Variants in TTC21B observed in about 807,000 individuals in gnomAD.
The protein encoded by TTC21B is tetratricopeptide repeat domain 21B.
A neutral mutation model predicts 175.1 loss-of-function variants in TTC21B; 127 were observed. The ratio of observed to expected loss-of-function variants is 0.73; its 90% CI spans 0.63 to 0.84. The LOEUF is 0.84. TTC21B is among the 40% of genes least tolerant of loss of function. The pLI, the probability that TTC21B is intolerant of heterozygous loss-of-function variation, is 0.00. For missense variants in TTC21B, 1,561 were observed against 1,558.3 expected (o/e 1.00, Z -0.03); for synonymous variants, 524 against 524.5 (o/e 1.00, Z 0.01).
intron 27 of TTC21B, 102 bp from the exon 28 acceptor site, chr2:165,876,334 G>A: frequency 1.3e-6 from 1 of 782,864 alleles, no homozygotes; most frequent in Non-Finnish European, 2.3e-6. Flanking sequence ...GAATGGTAAG[G>A]GAGGCTGGTG....
At chr2:165,941,840 C>A (rs993349844) in intron 5 of TTC21B, among the ~76,000 whole-genome samples, 2 of 151,862 alleles carry the variant, frequency 1.3e-5, no homozygotes, top group Non-Finnish European at 2.9e-5. Context: ...AATTTGTAGA[C>A]GTAGATTTAC....
intron 18 of TTC21B, among the ~76,000 whole-genome samples, chr2:165,910,925 T>A (rs575817979): frequency 2.1e-4 from 32 of 152,140 alleles, no homozygotes; most frequent in Non-Finnish European, 4.1e-4. Flanking sequence ...GGAGGTAATT[T>A]GAGAACAAGG....
intron 4 of TTC21B, among the ~76,000 whole-genome samples, chr2:165,944,367 G>A (rs10192035): frequency 0.99 from 151,114 of 152,256 alleles, 74,994 homozygotes; most frequent in Middle Eastern, 1. Flanking sequence ...TTAGGCTTAA[G>A]GCCTCAAAGA....
intron 6 of TTC21B, among the ~76,000 whole-genome samples, chr2:165,939,962 CAG>C (rs1269264650): frequency 6.6e-6 from 1 of 152,138 alleles, no homozygotes; most frequent in Non-Finnish European, 1.5e-5. Context: ...AGCTGTAAAA[CAG>C]AAATACTAAT....
rs753453761 is a variant in TTC21B at position 165,949,434 on chromosome 2, T to C, written c.222A>G (p.Leu74=). 2.5e-6 allele frequency: 4 copies of C among 1,613,674 alleles called. No homozygotes were observed. The South Asian group carries it at 3.3e-5, about 13-fold the overall frequency. ...KNKQDVSLCS[L]LALIYAHKMS... ...TTTTATGGGCATATATCAGTGCAAG[T>C]AGAGAACAAAGTGATACATCTTGTT... Residue 74 remains leucine (L), a synonymous_variant, in exon 3 of 29, where the codon CTA becomes CTG. Coordinates refer to ENST00000243344, the MANE Select transcript of TTC21B (RefSeq NM_024753.5).
At chr2:165,886,861 G>C (rs562848916) in intron 25 of TTC21B, among the ~76,000 whole-genome samples, 1 of 152,296 alleles carries the variant, frequency 6.6e-6, no homozygotes, top group South Asian at 2.1e-4. Flanking sequence ...GATTCTCTTA[G>C]ATGTACATGA....
chr2:165,899,856 A>G lies in TTC21B; in HGVS notation c.2782T>C (p.Tyr928His), dbSNP rs1685493736. 5 of 1,613,192 alleles carry G rather than the reference A, an allele frequency of 3.1e-6. No homozygotes were observed. Among genetic ancestry groups the G allele is most frequent in the Non-Finnish European group, 1.7e-6 (2 of 1,179,482 alleles). The change falls in exon 21 of 29, where the codon TAC becomes CAC. Residue 928 changes from tyrosine (Y) to histidine (H), a missense_variant. Tyr to His is a moderately conservative substitution (Grantham distance 83, BLOSUM62 2). Transcript: ENST00000243344. ...NKIMLELARL[Y>H]LAQDDPDSCL... ...GAATCAGGGTCATCTTGTGCCAGGTATAATCGTGCCAGTTCCAACATAATC... is the reference window on the plus strand; with the variant it reads ...GAATCAGGGTCATCTTGTGCCAGGTGTAATCGTGCCAGTTCCAACATAATC...
intron 8 of TTC21B, among the ~76,000 whole-genome samples, chr2:165,931,175 T>G (rs1005478819): frequency 6.6e-6 from 1 of 152,098 alleles, no homozygotes; most frequent in African/African-American, 2.4e-5. Context: ...CATTTAACAA[T>G]TAATAATCCT....
At chr2:165,914,043 A>C (rs886436452) in intron 15 of TTC21B, among the ~76,000 whole-genome samples, 4 of 152,224 alleles carry the variant, frequency 2.6e-5, no homozygotes, top group African/African-American at 7.2e-5. Flanking sequence ...TACTCATGGC[A>C]TAAATTATAT....
chr2:165,913,895 T>C lies in TTC21B; in HGVS notation c.2139-249A>G, dbSNP rs563878876. On this transcript the variant is annotated intron_variant, in intron 15 of 28. Coordinates refer to ENST00000243344, the MANE Select transcript of TTC21B (RefSeq NM_024753.5). Reference sequence around the variant, plus strand: ...ATGCAGGTAACTGAGTTCAGATAGATAGTAAATATCTAGGTTCTCCTTATT... The same window carrying C: ...ATGCAGGTAACTGAGTTCAGATAGACAGTAAATATCTAGGTTCTCCTTATT... 2.0e-5 allele frequency among the ~76,000 whole-genome samples: 3 copies of C among 152,284 alleles called. No homozygotes were observed. In the South Asian group the frequency reaches 6.2e-4, roughly 32 times the overall value.
intron 22 of TTC21B, among the ~76,000 whole-genome samples, chr2:165,894,538 A>G (rs1685298023): frequency 6.6e-6 from 1 of 152,222 alleles, no homozygotes; most frequent in African/African-American, 2.4e-5. Flanking sequence ...AACTCTTAAG[A>G]TTAAAAATAT....
In TTC21B at chr2:165,911,479, A is replaced by G. The variant is rs1384581033; in HGVS notation, c.2323-14T>C. On this transcript the variant is annotated splice_polypyrimidine_tract_variant and intron_variant, in intron 17 of 28. Coordinates refer to ENST00000243344, the MANE Select transcript of TTC21B (RefSeq NM_024753.5). The stretch of plus-strand genomic sequence containing the variant: ...GTAAGTGATTGCCTAAACAAAATTC[A>G]TTCCATTTAAGGGAACAAGGCAATG... The G allele has an allele frequency of 1.9e-6, 3 of 1,613,632 alleles. No homozygotes were observed. The highest frequency in any genetic ancestry group is 2.5e-6 in the Non-Finnish European group (3 of 1,179,784).
In TTC21B at chr2:165,953,774, T is replaced by G; in HGVS notation, c.-69A>C. On this transcript the variant is annotated 5_prime_UTR_variant, in exon 1 of 29. Transcript: ENST00000243344. ...CCGCAGCCTAAAGGAAGACGCAGAA[T>G]TCAGCTCCCCTAGCCTCCCGGAGCG... The G allele has an allele frequency of 4.5e-6, 7 of 1,544,664 alleles. No homozygotes were observed. Among genetic ancestry groups the G allele is most frequent in the Non-Finnish European group, 6.1e-6 (7 of 1,144,376 alleles).
chr2:165,902,173 A>T lies in TTC21B; in HGVS notation c.2569-263T>A, dbSNP rs531337671. ...GTTACAACATGTGTATAGGAAGTTC[A>T]CTAAGGAGGAAATACAACCGTGAAA... On this transcript the variant is annotated intron_variant, in intron 19 of 28. Coordinates refer to ENST00000243344, the MANE Select transcript of TTC21B (RefSeq NM_024753.5). Among the ~76,000 whole-genome samples the T allele has an allele frequency of 3.3e-5, 5 of 152,304 alleles. No individual in the cohort carries two copies. The South Asian group carries it at 1.0e-3, about 32-fold the overall frequency.
chr2:165,892,992 C>A (rs894080756), intron 22 of TTC21B, among the ~76,000 whole-genome samples: 6 of 152,148 alleles, frequency 3.9e-5, no homozygotes, highest in Non-Finnish European at 5.9e-5. Flanking sequence ...GTCCCCTTGA[C>A]ACACAATCTT....
At chr2:165,947,052 G>A (rs1284974241) in intron 3 of TTC21B, 1 of 150,194 alleles carries the variant, frequency 6.7e-6, no homozygotes, top group East Asian at 2.0e-4. Context: ...ACTGTTATGG[G>A]TCAGTAAAAA....
chr2:165,908,451 T>C (rs187809546), intron 18 of TTC21B, among the ~76,000 whole-genome samples: 323 of 152,262 alleles, frequency 2.1e-3, no homozygotes, highest in African/African-American at 7.4e-3. Flanking sequence ...ATATAAATAT[T>C]TGGTTAATGC....
intron 12 of TTC21B, 149 bp downstream of exon 12, chr2:165,924,400 T>C: frequency 1.5e-6 from 1 of 689,436 alleles, no homozygotes; most frequent in Non-Finnish European, 2.3e-6. Context: ...TATGCAATTC[T>C]ATTTTGGATT....
Position 165,945,673 on chromosome 2 carries a change from C to T in TTC21B, c.280G>A (p.Glu94Lys). 1.2e-6 allele frequency: 2 copies of T among 1,613,256 alleles called. No individual in the cohort carries two copies. Among genetic ancestry groups the T allele is most frequent in the Non-Finnish European group, 1.7e-6 (2 of 1,179,858 alleles). ...TGTTCCTTCACTCTGGCATCTGATTCCAGAATAGCTTCTCTATCTGGTAGG... is the reference window on the plus strand; with the variant it reads ...TGTTCCTTCACTCTGGCATCTGATTTCAGAATAGCTTCTCTATCTGGTAGG... ...SPNPDREAILESDARVKEQRK... is the reference protein window; with the variant it reads ...SPNPDREAILKSDARVKEQRK... Residue 94 changes from glutamate to lysine, a missense_variant, in exon 4 of 29, where the codon GAA (glutamate) becomes AAA (lysine). Glu to Lys is a moderately conservative substitution (Grantham distance 56, BLOSUM62 1). Coordinates refer to ENST00000243344, the MANE Select transcript of TTC21B (RefSeq NM_024753.5).
Sources: allele counts gnomAD v4.1 joint callset (sites outside exome capture counted in the v4.1 genomes callset), GRCh38; gene constraint gnomAD v4.1.1; transcripts MANE v1.5; gene names NCBI Gene and HGNC (gene_info 2026-07-23, HGNC 2026-07-21).